Variants in SDK1 observed in about 807,000 individuals in gnomAD.
The protein encoded by SDK1 is sidekick cell adhesion molecule 1.
SDK1 carries 157 observed loss-of-function variants against 245.5 expected under a neutral mutation model. That is an observed-to-expected ratio of 0.64 (90% CI 0.56 to 0.73). The LOEUF (loss-of-function observed/expected upper bound fraction) is 0.73. Ranked by LOEUF, SDK1 falls within the 30% of genes least tolerant of loss-of-function variation. The probability of loss-of-function intolerance (pLI) is 0.00; values close to 1 mark genes in which losing one functional copy is unlikely to be tolerated. For missense variants in SDK1, 3,583 were observed against 3,002.3 expected (o/e 1.19, Z -4.52); for synonymous variants, 1,647 against 1,278.5 (o/e 1.29, Z -6.15).
intron 1 of SDK1, among the ~76,000 whole-genome samples, chr7:3,581,447 A>G (rs1780491280): frequency 6.6e-6 from 1 of 152,230 alleles, no homozygotes; most frequent in African/African-American, 2.4e-5. Flanking sequence ...CTACAATGAG[A>G]TGCCATCTCA....
At chr7:3,973,395 A>C (rs533955663) in intron 12 of SDK1, among the ~76,000 whole-genome samples, 1 of 152,200 alleles carries the variant, frequency 6.6e-6, no homozygotes, top group Non-Finnish European at 1.5e-5. Flanking sequence ...CCATATAGCA[A>C]TGAGTGCTGG....
chr7:3,750,631 G>A (rs1382054782), intron 4 of SDK1, among the ~76,000 whole-genome samples: 6 of 152,210 alleles, frequency 3.9e-5, no homozygotes, highest in African/African-American at 1.4e-4. Context: ...AAATGAGCAA[G>A]AGGAAGCATC....
chr7:3,760,162 T>C (rs1031079239), intron 4 of SDK1, among the ~76,000 whole-genome samples: 1 of 152,206 alleles, frequency 6.6e-6, no homozygotes, highest in Non-Finnish European at 1.5e-5. Context: ...TATCTGCATT[T>C]GTGAAAGATA....
chr7:3,549,070 A>G (rs1362043783), intron 1 of SDK1, among the ~76,000 whole-genome samples: 1 of 152,236 alleles, frequency 6.6e-6, no homozygotes, highest in East Asian at 1.9e-4. Flanking sequence ...CTCTTACATG[A>G]CTTTAACTAC....
intron 4 of SDK1, among the ~76,000 whole-genome samples, chr7:3,660,785 G>T (rs1289304295): frequency 1.3e-5 from 2 of 152,334 alleles, no homozygotes; most frequent in African/African-American, 4.8e-5. Context: ...ACCTTGGAAG[G>T]TTATAAATGG....
At chr7:3,971,445 C>G (rs115285014) in intron 11 of SDK1, 21 bp from the exon 12 acceptor site, 90 of 1,557,544 alleles carry the variant, frequency 5.8e-5, no homozygotes, top group Non-Finnish European at 7.7e-5. Context: ...TCGTCTGACT[C>G]GTGACTTGTG....
Position 3,821,526 on chromosome 7 carries a change from G to A in SDK1, c.790G>A (p.Val264Met), listed in dbSNP as rs1042342632. The A allele has an allele frequency of 2.5e-6, 4 of 1,613,530 alleles. No individual in the cohort carries two copies. The highest frequency in any genetic ancestry group is 2.2e-5 in the East Asian group (1 of 44,830). The change falls in exon 5 of 45, where the codon GTG becomes ATG. Residue 264 changes from valine (V) to methionine (M), a missense_variant. Coordinates refer to ENST00000404826, the MANE Select transcript of SDK1 (RefSeq NM_152744.4). Reference protein sequence around the residue: ...SDAGAYYVQAVNEKNGENKTS... With the variant: ...SDAGAYYVQAMNEKNGENKTS... ...TGCCGGGGCATACTACGTGCAGGCC[G>A]TGAATGAGAAAAATGGAGAAAACAA...
At chr7:3,382,269 C>T (rs1781508148) in intron 1 of SDK1, among the ~76,000 whole-genome samples, 1 of 152,028 alleles carries the variant, frequency 6.6e-6, no homozygotes, top group Non-Finnish European at 1.5e-5. Context: ...TAGCACCCAC[C>T]CTTTATCCCC....
chr7:3,623,245 CT>C (rs1183056855), intron 2 of SDK1, among the ~76,000 whole-genome samples: 249 of 117,988 alleles, frequency 2.1e-3, no homozygotes, highest in Admixed American at 5.8e-3. Context: ...TGTTGTATTT[CT>C]TTTTTTTTTT....
At chr7:3,609,679 C>CAGGAGCCATCATACCT (rs1781530764) in intron 1 of SDK1, among the ~76,000 whole-genome samples, 2 of 151,664 alleles carry the variant, frequency 1.3e-5, no homozygotes, top group African/African-American at 4.8e-5. Flanking sequence ...GGATTATAGG[C>CAGGAGCCATCATACCT]GTAAGCTACG....
chr7:3,902,597 T>G (rs1781827604), intron 5 of SDK1, among the ~76,000 whole-genome samples: 2 of 152,208 alleles, frequency 1.3e-5, no homozygotes, highest in East Asian at 3.8e-4. Flanking sequence ...TACTGGTTTC[T>G]TTGTAGGAAA....
intron 1 of SDK1, among the ~76,000 whole-genome samples, chr7:3,478,016 TG>T (rs979284607): frequency 4.6e-5 from 7 of 152,186 alleles, no homozygotes; most frequent in Non-Finnish European, 1.0e-4. Flanking sequence ...TCCTTCCTAT[TG>T]ATTTGCAACA....
intron 44 of SDK1, 50 bp from the exon 45 acceptor site, chr7:4,265,074 G>T: frequency 1.3e-6 from 2 of 1,512,024 alleles, no homozygotes; most frequent in East Asian, 4.6e-5. Flanking sequence ...AGCACGCTCC[G>T]GGCCCTGCGC....
chr7:3,564,044 C>T (rs1292799567), intron 1 of SDK1, among the ~76,000 whole-genome samples: 2 of 151,854 alleles, frequency 1.3e-5, no homozygotes, highest in Non-Finnish European at 2.9e-5. Flanking sequence ...GTAGTTCAAG[C>T]AGTACTTAAA....
At chr7:3,616,454 T>A (rs1179678496) in intron 1 of SDK1, among the ~76,000 whole-genome samples, 1 of 152,156 alleles carries the variant, frequency 6.6e-6, no homozygotes, top group Non-Finnish European at 1.5e-5. Context: ...GTTCACTCTT[T>A]CGTACTGCCC....
chr7:3,488,545 A>G (rs1016810162), intron 1 of SDK1, among the ~76,000 whole-genome samples: 1 of 152,200 alleles, frequency 6.6e-6, no homozygotes, highest in Non-Finnish European at 1.5e-5. Flanking sequence ...TTGTGGCAAC[A>G]TATGTCATCA....
intron 1 of SDK1, among the ~76,000 whole-genome samples, chr7:3,592,652 G>A (rs778711044): frequency 1.3e-5 from 2 of 152,072 alleles, no homozygotes; most frequent in African/African-American, 2.4e-5. Context: ...CCAGACATTC[G>A]TTTCCATGCC....
intron 4 of SDK1, among the ~76,000 whole-genome samples, chr7:3,696,450 C>A (rs79507608): frequency 3.5e-4 from 54 of 152,230 alleles, no homozygotes; most frequent in East Asian, 1.5e-3. Flanking sequence ...AACTGATAGG[C>A]ATGAAAACTC....
intron 4 of SDK1, among the ~76,000 whole-genome samples, chr7:3,720,275 A>T (rs1008025832): frequency 6.6e-6 from 1 of 152,156 alleles, no homozygotes; most frequent in African/African-American, 2.4e-5. Flanking sequence ...CAACAAAAAA[A>T]GTATAAAAAC....
Sources: allele counts gnomAD v4.1 joint callset (sites outside exome capture counted in the v4.1 genomes callset), GRCh38; gene constraint gnomAD v4.1.1; transcripts MANE v1.5; gene names NCBI Gene and HGNC (gene_info 2026-07-23, HGNC 2026-07-21).